COL4A5: variants seen among roughly 807,000 people sequenced by gnomAD.
The protein encoded by COL4A5 is collagen type IV alpha 5 chain.
In COL4A5, 26 loss-of-function variants were observed where a neutral mutation model predicts 130.2. That is an observed-to-expected ratio of 0.20 (90% CI 0.15 to 0.28). The LOEUF (loss-of-function observed/expected upper bound fraction) is 0.28. Among genes scored for constraint, COL4A5 ranks in the 10% least tolerant of loss-of-function variants. The pLI is 1.00. For synonymous variants in COL4A5, 496 were observed against 439.6 expected (o/e 1.13, Z -1.60); for missense variants, 1,131 against 1,344.3 (o/e 0.84, Z 2.48).
In COL4A5 at chrX:108,509,775, T is replaced by A. The variant is rs185617993; in HGVS notation, c.82-29971T>A. On this transcript the variant is annotated intron_variant, in intron 1 of 52. Coordinates refer to ENST00000328300, the MANE Select transcript of COL4A5 (RefSeq NM_033380.3). Reference sequence around the variant, plus strand: ...TTCCTCAAAGAGCTAAAAACAGAACTACCATTGCACCCAGCAATCCCATTA... The same window carrying A: ...TTCCTCAAAGAGCTAAAAACAGAACAACCATTGCACCCAGCAATCCCATTA... Among the ~76,000 whole-genome samples the A allele has an allele frequency of 1.5e-4, 17 of 111,883 alleles. No individual in the cohort carries two copies. The South Asian group carries it at 4.2e-3, about 27-fold the overall frequency.
chrX:108,627,579 C>T, intron 36 of COL4A5: 3 of 708,174 alleles, frequency 4.2e-6, no homozygotes, highest in Non-Finnish European at 5.0e-6. Flanking sequence ...TGTATAGTTT[C>T]ATAAAAGTGT....
intron 36 of COL4A5, among the ~76,000 whole-genome samples, chrX:108,652,049 C>T (rs1421416525): frequency 1.8e-5 from 2 of 111,259 alleles, no homozygotes; most frequent in Non-Finnish European, 3.8e-5. Context: ...GTATTGTTCA[C>T]CTTAAAATAT....
At chrX:108,497,566 T>G (rs1302109506) in intron 1 of COL4A5, among the ~76,000 whole-genome samples, 1 of 111,711 alleles carries the variant, frequency 9.0e-6, no homozygotes, top group Non-Finnish European at 1.9e-5. Context: ...TTTCACATTA[T>G]CTTATTAGCC....
intron 36 of COL4A5, among the ~76,000 whole-genome samples, chrX:108,638,221 C>T (rs1269163158): frequency 1.8e-5 from 2 of 111,049 alleles, no homozygotes; most frequent in Non-Finnish European, 3.8e-5. Context: ...GGATTATATG[C>T]CATGGTCAAG....
chrX:108,588,636 C>T (rs952456903), intron 19 of COL4A5, among the ~76,000 whole-genome samples: 2 of 110,416 alleles, frequency 1.8e-5, no homozygotes, highest in Admixed American at 9.7e-5. Context: ...TATTAAAAAA[C>T]ACATGCATCA....
At chrX:108,529,934 T>C (rs2065363592) in intron 1 of COL4A5, among the ~76,000 whole-genome samples, 1 of 110,952 alleles carries the variant, frequency 9.0e-6, no homozygotes, top group African/African-American at 3.3e-5. Flanking sequence ...AAGAGAGAAA[T>C]AGATGACAAT....
chrX:108,651,485 C>G (rs1042772626), intron 36 of COL4A5, among the ~76,000 whole-genome samples: 1 of 111,718 alleles, frequency 9.0e-6, no homozygotes, highest in Non-Finnish European at 1.9e-5. Context: ...ATTTGATGAA[C>G]AAATGGGTGT....
At chrX:108,548,922 T>C (rs1031882525) in intron 2 of COL4A5, among the ~76,000 whole-genome samples, 3 of 111,448 alleles carry the variant, frequency 2.7e-5, no homozygotes, top group Non-Finnish European at 5.7e-5. Context: ...CATTTTCTCA[T>C]AATAAAAATA....
chrX:108,607,053 C>G (rs997416135), intron 29 of COL4A5, among the ~76,000 whole-genome samples, 161 bp downstream of exon 29: 1 of 111,760 alleles, frequency 8.9e-6, no homozygotes, highest in Non-Finnish European at 1.9e-5. Flanking sequence ...TTATTTTTGT[C>G]TTTTATTTCA....
chrX:108,467,564 T>C (rs910859172), intron 1 of COL4A5, among the ~76,000 whole-genome samples: 87 of 112,138 alleles, frequency 7.8e-4, no homozygotes, highest in Middle Eastern at 9.2e-3. Context: ...AGGGATTTCA[T>C]TGAATCTGTA....
chrX:108,632,313 G>A lies in COL4A5; in HGVS notation c.3246+5964G>A, dbSNP rs1189933042. 5.5e-5 allele frequency among the ~76,000 whole-genome samples: 6 copies of A among 109,831 alleles called. No individual in the cohort carries two copies. The East Asian group carries it at 1.7e-3, about 31-fold the overall frequency. The stretch of plus-strand genomic sequence containing the variant: ...TGAATCTCTGAATAGGCCAATAACA[G>A]GCTCTGAAATTGAGGCAATAATTAA... On this transcript the variant is annotated intron_variant, in intron 36 of 52. Transcript: ENST00000328300.
intron 36 of COL4A5, among the ~76,000 whole-genome samples, chrX:108,640,852 CTATAAA>C (rs773563131): frequency 1.8e-3 from 202 of 111,550 alleles, no homozygotes; most frequent in African/African-American, 6.3e-3. Flanking sequence ...ACATCATACT[CTATAAA>C]TGTATATAGT....
intron 1 of COL4A5, among the ~76,000 whole-genome samples, chrX:108,457,548 G>A (rs185798641): frequency 1.1e-4 from 12 of 111,483 alleles, no homozygotes; most frequent in Non-Finnish European, 1.5e-4. Context: ...TGATATCTTA[G>A]TATTGGTATG....
At chrX:108,627,861 T>A (rs2067182195) in intron 36 of COL4A5, among the ~76,000 whole-genome samples, 1 of 111,013 alleles carries the variant, frequency 9.0e-6, no homozygotes, top group Non-Finnish European at 1.9e-5. Flanking sequence ...TTAATACTCA[T>A]TTTTTACATC....
intron 37 of COL4A5, among the ~76,000 whole-genome samples, chrX:108,657,522 A>G (rs1483125596): frequency 1.8e-5 from 2 of 111,669 alleles, no homozygotes; most frequent in Non-Finnish European, 3.8e-5. Context: ...TTCCATTTAA[A>G]GTATCTGTAG....
At chrX:108,452,319 G>A (rs1416939655) in intron 1 of COL4A5, among the ~76,000 whole-genome samples, 2 of 111,463 alleles carry the variant, frequency 1.8e-5, no homozygotes, top group Non-Finnish European at 3.8e-5. Flanking sequence ...CTCTTTTTTG[G>A]TTCCATATGA....
chrX:108,439,973 C>T lies in COL4A5; in HGVS notation c.-153C>T. ...TCTTCTTCTTCTTTTTTTTTTCTTC[C>T]ACTCTTAAAAAGCTTCTTTCTCTTC... On this transcript the variant is annotated 5_prime_UTR_variant, in exon 1 of 53. Coordinates refer to ENST00000328300, the MANE Select transcript of COL4A5 (RefSeq NM_033380.3). 1 of 448,685 alleles carries T rather than the reference C, an allele frequency of 2.2e-6. No homozygotes were observed. The highest frequency in any genetic ancestry group is 3.9e-6 in the Non-Finnish European group (1 of 258,135). The allele number at this position is 448,685 out of a possible 1,213,427, so 37.0% of individuals were successfully genotyped here. A position where few individuals can be genotyped will look rare whatever the true frequency, so the allele number is the denominator to read the frequency against.
At chrX:108,630,810 C>G (rs1169372251) in intron 36 of COL4A5, among the ~76,000 whole-genome samples, 2 of 112,222 alleles carry the variant, frequency 1.8e-5, no homozygotes, top group Non-Finnish European at 3.8e-5. Flanking sequence ...AAGTCTTAAT[C>G]CATCTTGAAT....
At chrX:108,489,114 C>T (rs1029213513) in intron 1 of COL4A5, among the ~76,000 whole-genome samples, 10 of 111,609 alleles carry the variant, frequency 9.0e-5, no homozygotes, top group African/African-American at 2.6e-4. Context: ...AGAATTTGCA[C>T]GGAGTTATCT....
Sources: allele counts gnomAD v4.1 joint callset (sites outside exome capture counted in the v4.1 genomes callset), GRCh38; gene constraint gnomAD v4.1.1; transcripts MANE v1.5; gene names NCBI Gene and HGNC (gene_info 2026-07-23, HGNC 2026-07-21).